The following FREM2 variants were observed in gnomAD, a reference collection of about 807,000 sequenced individuals.
The protein encoded by FREM2 is FRAS1 related extracellular matrix 2, also known as FRAS1-related extracellular matrix protein 2.
A neutral mutation model predicts 219.9 loss-of-function variants in FREM2; 119 were observed. That is an observed-to-expected ratio of 0.54 (90% CI 0.47 to 0.63). The LOEUF is 0.63. Among genes scored for constraint, FREM2 ranks in the 30% least tolerant of loss-of-function variants. FREM2 has a pLI of 0.00. For missense variants in FREM2, 4,030 were observed against 3,993.6 expected, an observed-to-expected ratio of 1.01 and a Z score of -0.25; for synonymous variants, 1,562 against 1,522.8, an observed-to-expected ratio of 1.03 and a Z score of -0.60.
At chr13:38,874,930 A>G (rs563093255) in intron 18 of FREM2, among the ~76,000 whole-genome samples, 1 of 152,320 alleles carries the variant, frequency 6.6e-6, no homozygotes, top group Non-Finnish European at 1.5e-5. Flanking sequence ...ATTGCAGATG[A>G]TTCATTCAGC....
rs1467804632 is a variant in FREM2, at chr13:38,878,115, T to G, written c.8672-19T>G. Reference sequence around the variant, plus strand: ...CCTTATCATATAACAGAAATAACATTTCCACATCTCTATTTCAGGTGATAT... The same window carrying G: ...CCTTATCATATAACAGAAATAACATGTCCACATCTCTATTTCAGGTGATAT... On this transcript the variant is annotated intron_variant, in intron 21 of 23. Coordinates refer to ENST00000280481, the MANE Select transcript of FREM2 (RefSeq NM_207361.6). 3.1e-6 allele frequency: 5 copies of G among 1,601,650 alleles called. No individual in the cohort carries two copies. The Admixed American group carries it at 5.0e-5, about 16-fold the overall frequency.
intron 6 of FREM2, among the ~76,000 whole-genome samples, chr13:38,796,014 C>T (rs1874762879): frequency 6.7e-6 from 1 of 150,366 alleles, no homozygotes; most frequent in African/African-American, 2.4e-5. Flanking sequence ...TTCTTTCTTT[C>T]TTTTTTTGTC....
At chr13:38,842,648 T>C (rs1323153779) in intron 6 of FREM2, among the ~76,000 whole-genome samples, 2 of 152,250 alleles carry the variant, frequency 1.3e-5, no homozygotes, top group Admixed American at 1.3e-4. Flanking sequence ...AATGATGGTC[T>C]ATGCGCACTT....
intron 6 of FREM2, chr13:38,822,130 G>C (rs1398995454): frequency 6.6e-6 from 1 of 152,134 alleles, no homozygotes; most frequent in East Asian, 1.9e-4. Flanking sequence ...ACAGCTGATA[G>C]ATCTTTACTC....
chr13:38,721,159 A>C (rs1871225875), intron 2 of FREM2, among the ~76,000 whole-genome samples: 1 of 152,136 alleles, frequency 6.6e-6, no homozygotes, highest in Non-Finnish European at 1.5e-5. Context: ...TGGAACTTAA[A>C]ATAAAATATA....
At chr13:38,742,590 A>G (rs768017468) in intron 2 of FREM2, among the ~76,000 whole-genome samples, 6 of 152,144 alleles carry the variant, frequency 3.9e-5, no homozygotes, top group Admixed American at 1.3e-4. Flanking sequence ...CAGATTTCAA[A>G]TGTTACATTG....
At chr13:38,787,888 C>T (rs1298334902) in intron 6 of FREM2, among the ~76,000 whole-genome samples, 1 of 151,824 alleles carries the variant, frequency 6.6e-6, no homozygotes, top group Non-Finnish European at 1.5e-5. Context: ...AGAGGAGGAA[C>T]AAAGGAGGTG....
chr13:38,689,652 G>C lies in FREM2; in HGVS notation c.2308G>C (p.Val770Leu). 6.2e-7 allele frequency: 1 copy of C among 1,613,954 alleles called. No homozygotes were observed. The highest frequency in any genetic ancestry group is 8.5e-7 in the Non-Finnish European group (1 of 1,180,000). Reference protein sequence around the residue: ...TLVLTDNPSVVVTHFTQAQIN... With the variant: ...TLVLTDNPSVLVTHFTQAQIN... ...GGTCTTGACTGACAACCCCTCAGTC[G>C]TGGTGACCCATTTTACCCAAGCCCA... Residue 770 changes from valine to leucine, a missense_variant, in exon 1 of 24, where the codon GTG becomes CTG. Val to Leu is a conservative substitution (Grantham distance 32). This residue lies in a region of FREM2 where 3,102 missense variants were observed against 2,950.7 expected (regional missense o/e 1.05). Coordinates refer to ENST00000280481, the MANE Select transcript of FREM2 (RefSeq NM_207361.6).
intron 6 of FREM2, among the ~76,000 whole-genome samples, chr13:38,792,713 A>G (rs1354403791): frequency 6.6e-6 from 1 of 152,206 alleles, no homozygotes; most frequent in African/African-American, 2.4e-5. Context: ...GGAAACTACT[A>G]CATTTGCAAC....
At chr13:38,845,986 CAA>C (rs1275852332) in intron 6 of FREM2, among the ~76,000 whole-genome samples, 1 of 152,136 alleles carries the variant, frequency 6.6e-6, no homozygotes, top group East Asian at 1.9e-4. Context: ...AGAGCATCTC[CAA>C]TACTCTACAG....
chr13:38,719,118 G>T (rs185445241), intron 2 of FREM2, among the ~76,000 whole-genome samples: 9 of 152,196 alleles, frequency 5.9e-5, no homozygotes, highest in African/African-American at 2.2e-4. Context: ...TCTGGAAGCC[G>T]AAGAGGAGAA....
At position 38,718,594 on chromosome 13, in the gene FREM2, C is replaced by T. The variant is rs75384893; in HGVS notation, c.5263+20807C>T. Among the ~76,000 whole-genome samples, 66 of 152,316 alleles carry T rather than the reference C, an allele frequency of 4.3e-4. 1 individual carries two copies. Among genetic ancestry groups the T allele is most frequent in the African/African-American group, 1.5e-3 (62 of 41,574 alleles). On this transcript the variant is annotated intron_variant, in intron 2 of 23. Transcript: ENST00000280481. ...CCAGCGATAAGCTGTATGTACACAG[C>T]GTTTCTGTAGTATTTACTAATGGCT...
chr13:38,793,999 G>C (rs1372482807), intron 6 of FREM2, among the ~76,000 whole-genome samples: 1 of 152,116 alleles, frequency 6.6e-6, no homozygotes, highest in East Asian at 1.9e-4. Flanking sequence ...ATGCCTGCTT[G>C]ACTTCAAATG....
At chr13:38,766,084 ATCT>A (rs1873423077) in intron 3 of FREM2, among the ~76,000 whole-genome samples, 14 of 152,224 alleles carry the variant, frequency 9.2e-5, no homozygotes, top group Admixed American at 9.2e-4. Flanking sequence ...AAATAGGTTT[ATCT>A]ATTTTTTACC....
rs751393078 is a variant in FREM2 at position 38,691,379 on chromosome 13, T to C, written c.4035T>C (p.Tyr1345=). The C allele has an allele frequency of 7.4e-6, 12 of 1,614,002 alleles. No homozygotes were observed. The Admixed American group carries it at 1.8e-4, about 25-fold the overall frequency. The change falls in exon 1 of 24, where the codon TAT becomes TAC. Residue 1345 remains tyrosine, a synonymous_variant. Transcript: ENST00000280481. ...AATCTTTGGTTTATATTATTCGTTA[T>C]GGGCCAGGACATGGCTTATTACAGA... ...EDKSLVYIIR[Y]GPGHGLLQRR...
chr13:38,839,483 G>A lies in FREM2; in HGVS notation c.6020-7090G>A, dbSNP rs571493918. Among the ~76,000 whole-genome samples, 10 of 152,294 alleles carry A rather than the reference G, an allele frequency of 6.6e-5. No homozygotes were observed. The East Asian group carries it at 7.7e-4, about 12-fold the overall frequency. ...GGCAGTCTGTCCCTTAGCAGAGCTC[G>A]TGCACTGTGCTGGGAGATCTTCTGC... On this transcript the variant is annotated intron_variant, in intron 6 of 23. Coordinates refer to ENST00000280481, the MANE Select transcript of FREM2 (RefSeq NM_207361.6).
chr13:38,784,801 AGAT>A lies in FREM2; in HGVS notation c.6017_6019del (p.Asp2006del). Reference sequence around the variant, plus strand: ...CTCAAGTTACAATCGTTCCTGACAAAGATGATGGTGAGTACTAATTTACTTGAA... The same window carrying A: ...CTCAAGTTACAATCGTTCCTGACAAAGATGGTGAGTACTAATTTACTTGAA... On this transcript the variant is annotated inframe_deletion, in exon 6 of 24. Coordinates refer to ENST00000280481, the MANE Select transcript of FREM2 (RefSeq NM_207361.6). 1 of 1,614,142 alleles carries A rather than the reference AGAT, an allele frequency of 6.2e-7. No homozygotes were observed. Among genetic ancestry groups the A allele is most frequent in the Non-Finnish European group, 8.5e-7 (1 of 1,180,010 alleles).
In FREM2 at chr13:38,754,410, G is replaced by A. The variant is rs547185565; in HGVS notation, c.5264-9894G>A. Among the ~76,000 whole-genome samples the A allele has an allele frequency of 4.6e-5, 7 of 152,178 alleles. No individual in the cohort carries two copies. The East Asian group carries it at 9.7e-4, about 21-fold the overall frequency. On this transcript the variant is annotated intron_variant, in intron 2 of 23. Coordinates refer to ENST00000280481, the MANE Select transcript of FREM2 (RefSeq NM_207361.6). ...AGTTAAGCAAATTAGAATTAAGCTA[G>A]AATAGCCTGCAAATAGGATATTCAC...
intron 1 of FREM2, among the ~76,000 whole-genome samples, chr13:38,692,966 A>C (rs186470851): frequency 6.6e-6 from 1 of 152,350 alleles, no homozygotes; most frequent in Admixed American, 6.5e-5. Flanking sequence ...AAGCCTTCAA[A>C]CTTAGGTTAC....
Sources: gnomAD v4.1 joint callset for allele counts (sites outside exome capture counted in the v4.1 genomes callset) on GRCh38, gnomAD v4.1.1 for gene constraint, gnomAD v4.1.1 regional missense constraint, MANE v1.5 for transcripts, NCBI Gene and HGNC (gene_info 2026-07-23, HGNC 2026-07-21) for gene names.